HIP1: variants seen among roughly 807,000 people sequenced by gnomAD.
The protein encoded by HIP1 is huntingtin-interacting protein 1.
Under a neutral mutation model 147.6 loss-of-function variants are expected in HIP1, and 65 were observed. The observed-to-expected ratio is 0.44, with a 90% CI of 0.36 to 0.54. HIP1 has a LOEUF of 0.54. HIP1 is among the 20% of genes least tolerant of loss of function. The probability of loss-of-function intolerance (pLI) is 0.00; values close to 1 mark genes in which losing one functional copy is unlikely to be tolerated. For synonymous variants in HIP1, 479 were observed against 504.0 expected (o/e 0.95, Z 0.67); for missense variants, 1,061 against 1,299.6 (o/e 0.82, Z 2.82).
Position 75,605,345 on chromosome 7 carries a change from G to A in HIP1, c.121-6098C>T, listed in dbSNP as rs181291696. 4.6e-5 allele frequency among the ~76,000 whole-genome samples: 7 copies of A among 152,278 alleles called. No individual in the cohort carries two copies. The East Asian group carries it at 1.4e-3, about 29-fold the overall frequency. ...ACCAAAGTGGAAGGGCATGGAGCATGCAGCCTGAGGGCCGGGGGGGATGGA... is the reference window on the plus strand; with the variant it reads ...ACCAAAGTGGAAGGGCATGGAGCATACAGCCTGAGGGCCGGGGGGGATGGA... On this transcript the variant is annotated intron_variant, in intron 1 of 30. Coordinates refer to ENST00000336926, the MANE Select transcript of HIP1 (RefSeq NM_005338.7).
chr7:75,705,723 A>G (rs13222599), intron 1 of HIP1, among the ~76,000 whole-genome samples: 68,431 of 151,852 alleles, frequency 0.45, 15,650 homozygotes, highest in Admixed American at 0.51. Context: ...TTATCCATTC[A>G]TCCACTGATG....
intron 3 of HIP1, 49 bp from the exon 4 acceptor site, chr7:75,592,161 G>A: frequency 6.4e-7 from 1 of 1,570,126 alleles, no homozygotes; most frequent in East Asian, 2.2e-5. Context: ...AGGAAAGAAA[G>A]ACAAAGGGAA....
intron 5 of HIP1, among the ~76,000 whole-genome samples, chr7:75,585,388 C>T (rs1554499369): frequency 6.6e-6 from 1 of 152,030 alleles, no homozygotes; most frequent in Non-Finnish European, 1.5e-5. Flanking sequence ...GTTGGCCAGG[C>T]TGGTCTTGAA....
At chr7:75,615,242 G>C (rs969894536) in intron 1 of HIP1, among the ~76,000 whole-genome samples, 1 of 151,904 alleles carries the variant, frequency 6.6e-6, no homozygotes, top group Non-Finnish European at 1.5e-5. Context: ...GGCTGTGAGA[G>C]AGCACACAGA....
chr7:75,727,862 A>C (rs1801703404), intron 1 of HIP1, among the ~76,000 whole-genome samples: 2 of 152,080 alleles, frequency 1.3e-5, no homozygotes, highest in South Asian at 4.1e-4. Context: ...AAAAAAAAAA[A>C]AACTTAGCAA....
intron 9 of HIP1, among the ~76,000 whole-genome samples, chr7:75,564,269 A>C (rs910366738): frequency 2.6e-4 from 40 of 152,076 alleles, no homozygotes; most frequent in African/African-American, 9.4e-4. Flanking sequence ...AAGAGAATCC[A>C]GACTTATATA....
chr7:75,612,537 G>C (rs763211932), intron 1 of HIP1, among the ~76,000 whole-genome samples: 1 of 151,408 alleles, frequency 6.6e-6, no homozygotes, highest in South Asian at 2.1e-4. Flanking sequence ...GGCTGGGCGC[G>C]GTGGCTCATG....
At chr7:75,557,381 C>A (rs1333953326) in intron 16 of HIP1, among the ~76,000 whole-genome samples, 1 of 152,148 alleles carries the variant, frequency 6.6e-6, no homozygotes, top group African/African-American at 2.4e-5. Flanking sequence ...TCTCTCTCTG[C>A]CACCCATGTG....
At chr7:75,664,326 A>G (rs1391998884) in intron 1 of HIP1, among the ~76,000 whole-genome samples, 1 of 145,402 alleles carries the variant, frequency 6.9e-6, no homozygotes. Context: ...ATACATACAC[A>G]TGCATATATA....
At chr7:75,680,401 T>A (rs1030848664) in intron 1 of HIP1, among the ~76,000 whole-genome samples, 1 of 152,094 alleles carries the variant, frequency 6.6e-6, no homozygotes, top group Non-Finnish European at 1.5e-5. Flanking sequence ...GTCACCATCC[T>A]AACAGATCCC....
intron 1 of HIP1, among the ~76,000 whole-genome samples, chr7:75,699,615 G>A (rs1015375070): frequency 2.0e-5 from 3 of 152,108 alleles, no homozygotes; most frequent in African/African-American, 7.2e-5. Context: ...TCCAGCCCTC[G>A]AGACGCCAGT....
At chr7:75,543,361 A>T (rs1794407775) in intron 27 of HIP1, among the ~76,000 whole-genome samples, 1 of 151,214 alleles carries the variant, frequency 6.6e-6, no homozygotes, top group African/African-American at 2.4e-5. Flanking sequence ...TCAAAAAATA[A>T]TTTTTTTTTA....
intron 1 of HIP1, among the ~76,000 whole-genome samples, chr7:75,685,547 T>C (rs1800231452): frequency 6.6e-6 from 1 of 152,218 alleles, no homozygotes. Flanking sequence ...CCCAATTCTT[T>C]GTCAGTTTTC....
intron 1 of HIP1, among the ~76,000 whole-genome samples, chr7:75,666,331 G>A (rs880002845): frequency 2.6e-5 from 4 of 151,798 alleles, no homozygotes; most frequent in African/African-American, 7.3e-5. Flanking sequence ...CACCATGCCC[G>A]GCTAATTTTT....
At chr7:75,653,648 C>G (rs1391386080) in intron 1 of HIP1, among the ~76,000 whole-genome samples, 1 of 152,010 alleles carries the variant, frequency 6.6e-6, no homozygotes, top group Admixed American at 6.6e-5. Context: ...CACCTGAGCT[C>G]AGGAGTTTGA....
chr7:75,689,015 A>T (rs1351145744), intron 1 of HIP1, among the ~76,000 whole-genome samples: 1 of 152,004 alleles, frequency 6.6e-6, no homozygotes, highest in Non-Finnish European at 1.5e-5. Flanking sequence ...AAACAAACAG[A>T]GTGTACGCCC....
At chr7:75,639,592 T>TGTGTGTGC (rs879990782) in intron 1 of HIP1, among the ~76,000 whole-genome samples, 49 of 148,622 alleles carry the variant, frequency 3.3e-4, no homozygotes, top group African/African-American at 3.5e-4. Flanking sequence ...TGTGTGTGTG[T>TGTGTGTGC]GCGCCCGCGT....
intron 1 of HIP1, among the ~76,000 whole-genome samples, chr7:75,695,046 T>C (rs971843687): frequency 1.3e-4 from 20 of 152,208 alleles, no homozygotes; most frequent in Non-Finnish European, 2.2e-4. Flanking sequence ...AGATTGCCTT[T>C]TCCCCATCAC....
intron 1 of HIP1, among the ~76,000 whole-genome samples, chr7:75,628,995 G>A (rs1329691570): frequency 2.0e-5 from 3 of 152,154 alleles, no homozygotes; most frequent in Non-Finnish European, 4.4e-5. Context: ...TGAGCTAGGG[G>A]GAGTAGGGAG....
Sources: gnomAD v4.1 joint callset for allele counts (sites outside exome capture counted in the v4.1 genomes callset) on GRCh38, gnomAD v4.1.1 for gene constraint, MANE v1.5 for transcripts, NCBI Gene and HGNC (gene_info 2026-07-23, HGNC 2026-07-21) for gene names.